Variants in HPCAL1 observed in about 807,000 individuals in gnomAD.
HPCAL1 encodes the protein hippocalcin like 1, also known as hippocalcin-like protein 1.
HPCAL1 carries 8 observed loss-of-function variants against 17.1 expected under a neutral mutation model. The ratio of observed to expected loss-of-function variants is 0.47; its 90% CI spans 0.27 to 0.84. HPCAL1 has a LOEUF of 0.84. Among genes scored for constraint, HPCAL1 ranks in the 40% least tolerant of loss-of-function variants. The pLI is 0.13. For missense variants in HPCAL1, 165 were observed against 271.1 expected (o/e 0.61, Z 2.75); for synonymous variants, 112 against 111.4 (o/e 1.01, Z -0.03).
intron 1 of HPCAL1, among the ~76,000 whole-genome samples, chr2:10,387,089 G>T (rs1320194376): frequency 6.6e-6 from 1 of 152,254 alleles, no homozygotes; most frequent in Non-Finnish European, 1.5e-5. Context: ...TGCAGATGGG[G>T]GGATGGTCTG....
At chr2:10,366,506 G>A (rs1360012398) in intron 1 of HPCAL1, among the ~76,000 whole-genome samples, 1 of 152,194 alleles carries the variant, frequency 6.6e-6, no homozygotes, top group Admixed American at 6.5e-5. Flanking sequence ...AAAGTGCTGA[G>A]ATTACAGGCG....
intron 1 of HPCAL1, among the ~76,000 whole-genome samples, chr2:10,369,631 G>A (rs538539606): frequency 6.6e-6 from 1 of 152,334 alleles, no homozygotes; most frequent in Admixed American, 6.5e-5. Flanking sequence ...GGGCTCTGAT[G>A]GGACTCAGGG....
chr2:10,326,825 G>C (rs150827369), intron 1 of HPCAL1, among the ~76,000 whole-genome samples: 1 of 152,160 alleles, frequency 6.6e-6, no homozygotes, highest in African/African-American at 2.4e-5. Flanking sequence ...GCTGGTGCTC[G>C]CTGACAGATG....
chr2:10,351,019 A>G (rs1426814433), intron 1 of HPCAL1, among the ~76,000 whole-genome samples: 9 of 152,252 alleles, frequency 5.9e-5, no homozygotes, highest in Non-Finnish European at 1.2e-4. Flanking sequence ...CAGTTCCTCA[A>G]AAGCTTAAAT....
At chr2:10,412,390 C>T (rs1486582174) in intron 2 of HPCAL1, among the ~76,000 whole-genome samples, 1 of 152,176 alleles carries the variant, frequency 6.6e-6, no homozygotes, top group Admixed American at 6.5e-5. Flanking sequence ...GATGAGAAAG[C>T]CTGGTTGAGA....
At chr2:10,325,176 C>T (rs777280487) in intron 1 of HPCAL1, among the ~76,000 whole-genome samples, 2 of 152,042 alleles carry the variant, frequency 1.3e-5, no homozygotes, top group Non-Finnish European at 2.9e-5. Flanking sequence ...GAGAGGGTCT[C>T]GCTCTGTGGC....
At chr2:10,399,095 A>G (rs1669254885) in intron 2 of HPCAL1, among the ~76,000 whole-genome samples, 1 of 151,718 alleles carries the variant, frequency 6.6e-6, no homozygotes, top group Non-Finnish European at 1.5e-5. Context: ...CCGTGTCAAG[A>G]AGCTGGAGCA....
intron 1 of HPCAL1, among the ~76,000 whole-genome samples, chr2:10,364,522 C>CGG (rs1276076870): frequency 6.6e-6 from 1 of 151,214 alleles, no homozygotes; most frequent in East Asian, 1.9e-4. Flanking sequence ...CTGCTTCCCT[C>CGG]GGGATGGTTT....
At chr2:10,328,837 C>A (rs1861233) in intron 1 of HPCAL1, among the ~76,000 whole-genome samples, 1 of 151,766 alleles carries the variant, frequency 6.6e-6, no homozygotes, top group African/African-American at 2.4e-5. Context: ...CCCTTTTGTT[C>A]GACATGTGGG....
chr2:10,409,471 C>T (rs1015233076), intron 2 of HPCAL1, among the ~76,000 whole-genome samples: 16 of 152,186 alleles, frequency 1.1e-4, no homozygotes, highest in Admixed American at 1.0e-3. Context: ...GCTTGACTGT[C>T]ACTTGCTTAT....
chr2:10,378,590 A>G (rs1667738773), intron 1 of HPCAL1, among the ~76,000 whole-genome samples: 1 of 152,112 alleles, frequency 6.6e-6, no homozygotes, highest in South Asian at 2.1e-4. Context: ...TTACAAGGAC[A>G]CTAATACCAT....
intron 1 of HPCAL1, among the ~76,000 whole-genome samples, chr2:10,368,423 A>T (rs111384163): frequency 0.014 from 2,175 of 152,170 alleles, 63 homozygotes; most frequent in African/African-American, 0.049. Flanking sequence ...ACTCGGCCAG[A>T]GCTCCTTGAG....
rs1041754172 is a variant in HPCAL1, at chr2:10,427,148, G to A, written c.*327G>A. The A allele has an allele frequency of 7.2e-5, 21 of 293,164 alleles. No homozygotes were observed. Among genetic ancestry groups the A allele is most frequent in the African/African-American group, 3.5e-4 (16 of 46,194 alleles). The allele number at this position is 293,164 out of a possible 1,614,324, so 18.2% of individuals were successfully genotyped here. A position where few individuals can be genotyped will look rare whatever the true frequency, so the allele number is the denominator to read the frequency against. ...CCGAGGAGACCAGGCAGGACCTCCC[G>A]AGGCTGCGCCCCGGCCGGCCCATGC... On this transcript the variant is annotated 3_prime_UTR_variant, in exon 5 of 5. Transcript: ENST00000307845.
At chr2:10,400,867 G>C (rs1001960748) in intron 2 of HPCAL1, among the ~76,000 whole-genome samples, 2 of 152,210 alleles carry the variant, frequency 1.3e-5, no homozygotes, top group Non-Finnish European at 2.9e-5. Flanking sequence ...CATTGTCCTG[G>C]CCCTTCTGCA....
chr2:10,366,339 G>A (rs1260168274), intron 1 of HPCAL1, among the ~76,000 whole-genome samples: 1 of 152,224 alleles, frequency 6.6e-6, no homozygotes, highest in East Asian at 1.9e-4. Context: ...GGGTTCAAGC[G>A]ATTCTTGTGC....
At chr2:10,316,240 C>T (rs762504903) in intron 1 of HPCAL1, among the ~76,000 whole-genome samples, 5 of 152,110 alleles carry the variant, frequency 3.3e-5, no homozygotes, top group Admixed American at 2.0e-4. Context: ...TTGCTTTTCA[C>T]GGCCCTGGCT....
intron 1 of HPCAL1, among the ~76,000 whole-genome samples, chr2:10,357,384 C>A (rs1666223818): frequency 6.6e-6 from 1 of 152,196 alleles, no homozygotes; most frequent in African/African-American, 2.4e-5. Context: ...CTTTCCTCTT[C>A]ATCTGAGGCC....
intron 1 of HPCAL1, among the ~76,000 whole-genome samples, chr2:10,392,740 G>A (rs1007666010): frequency 6.6e-6 from 1 of 152,234 alleles, no homozygotes; most frequent in African/African-American, 2.4e-5. Flanking sequence ...CAGTCCAGCT[G>A]GGCTTTGATT....
intron 1 of HPCAL1, among the ~76,000 whole-genome samples, chr2:10,322,574 G>A (rs1418429879): frequency 6.6e-6 from 1 of 152,222 alleles, no homozygotes; most frequent in Non-Finnish European, 1.5e-5. Context: ...GCAGCCTGCT[G>A]CGAGGGGTTT....
Sources: allele counts gnomAD v4.1 joint callset (sites outside exome capture counted in the v4.1 genomes callset), GRCh38; gene constraint gnomAD v4.1.1; transcripts MANE v1.5; gene names NCBI Gene and HGNC (gene_info 2026-07-23, HGNC 2026-07-21).